AGAP1: variants seen among roughly 807,000 people sequenced by gnomAD.
AGAP1 encodes ArfGAP with GTPase domain, ankyrin repeat and PH domain 1, also known as arf-GAP with GTPase, ANK repeat and PH domain-containing protein 1.
In AGAP1, 29 loss-of-function variants were observed where a neutral mutation model predicts 105.3. The ratio of observed to expected loss-of-function variants is 0.28; its 90% CI spans 0.21 to 0.38. The LOEUF is 0.38. Among genes scored for constraint, AGAP1 ranks in the 10% least tolerant of loss-of-function variants. The probability of loss-of-function intolerance (pLI) is 1.00; values close to 1 mark genes in which losing one functional copy is unlikely to be tolerated. For synonymous variants in AGAP1, 509 were observed against 485.9 expected (o/e 1.05, Z -0.63); for missense variants, 998 against 1,165.1 (o/e 0.86, Z 2.09).
At chr2:235,760,068 A>G (rs1318567807) in intron 6 of AGAP1, among the ~76,000 whole-genome samples, 1 of 152,200 alleles carries the variant, frequency 6.6e-6, no homozygotes, top group Admixed American at 6.5e-5. Context: ...AATCTTCCAT[A>G]TTCACTCGGT....
intron 2 of AGAP1, among the ~76,000 whole-genome samples, chr2:235,709,501 C>T (rs1316959076): frequency 1.3e-5 from 2 of 149,836 alleles, no homozygotes; most frequent in Non-Finnish European, 3.0e-5. Flanking sequence ...CATCATCATC[C>T]TCTCTCTCAC....
Position 235,672,445 on chromosome 2 carries a change from G to A in AGAP1, c.164-36734G>A, listed in dbSNP as rs1267536229. 2.6e-5 allele frequency among the ~76,000 whole-genome samples: 4 copies of A among 152,196 alleles called. 1 individual carries two copies. The highest frequency in any genetic ancestry group is 2.6e-4 in the Admixed American group (4 of 15,284). On this transcript the variant is annotated intron_variant, in intron 1 of 17. Transcript: ENST00000304032. ...CCACACTTATGTTTAGCTTGTCATGGCACATCTAGTTTTAACCTCCCTTGG... is the reference window on the plus strand; with the variant it reads ...CCACACTTATGTTTAGCTTGTCATGACACATCTAGTTTTAACCTCCCTTGG...
Position 235,963,799 on chromosome 2 carries a change from A to T in AGAP1, c.1484-4663A>T, listed in dbSNP as rs2054281866. ...ACTAAGGCGATAGTGAAGAGTAACA[A>T]CACATAGGCTTAGAACACAGAGACA... On this transcript the variant is annotated intron_variant, in intron 12 of 17. Coordinates refer to ENST00000304032, the MANE Select transcript of AGAP1 (RefSeq NM_001037131.3). The surrounding 1 kb of genome is among the most constrained non-coding windows in gnomAD (Gnocchi z 5.1). Among the ~76,000 whole-genome samples the T allele has an allele frequency of 6.6e-6, 1 of 152,188 alleles. No individual in the cohort carries two copies. Among genetic ancestry groups the T allele is most frequent in the African/African-American group, 2.4e-5 (1 of 41,444 alleles).
chr2:235,540,602 T>C (rs1213636659), intron 1 of AGAP1, among the ~76,000 whole-genome samples: 1 of 152,200 alleles, frequency 6.6e-6, no homozygotes, highest in Non-Finnish European at 1.5e-5. Flanking sequence ...TGCTTTCTCT[T>C]TGGAGGGGAA....
Position 235,549,896 on chromosome 2 carries a change from G to T in AGAP1, c.163+55047G>T, listed in dbSNP as rs1943749867. ...AGGACTCGCCCTGCGCAGGTGGAGG[G>T]TGATGAGAGGCTGGGGACGTTTTCG... On this transcript the variant is annotated intron_variant, in intron 1 of 17. Transcript: ENST00000304032. This position sits in a 1 kb window ranked among gnomAD's most constrained non-coding sequence, Gnocchi z 4.2. Among the ~76,000 whole-genome samples, 1 of 152,210 alleles carries T rather than the reference G, an allele frequency of 6.6e-6. No individual in the cohort carries two copies. The highest frequency in any genetic ancestry group is 2.4e-5 in the African/African-American group (1 of 41,462).
intron 9 of AGAP1, among the ~76,000 whole-genome samples, chr2:235,835,629 A>G (rs1228214497): frequency 6.6e-6 from 1 of 152,232 alleles, no homozygotes; most frequent in African/African-American, 2.4e-5. Flanking sequence ...AGGGGTTCAT[A>G]TCTGGCTCTC....
chr2:235,757,619 G>A (rs912419902), intron 6 of AGAP1, among the ~76,000 whole-genome samples: 1 of 152,088 alleles, frequency 6.6e-6, no homozygotes, highest in Admixed American at 6.6e-5. Context: ...TTTGTCTTTT[G>A]TCCCTTCCCA....
At chr2:235,925,298 GA>G (rs1459091748) in intron 11 of AGAP1, among the ~76,000 whole-genome samples, 88 of 152,234 alleles carry the variant, frequency 5.8e-4, no homozygotes, top group Non-Finnish European at 9.8e-4. Flanking sequence ...TGCCTGCAAA[GA>G]ACATTTCCAA....
intron 6 of AGAP1, among the ~76,000 whole-genome samples, chr2:235,779,814 A>G (rs545602969): frequency 6.6e-6 from 1 of 152,230 alleles, no homozygotes; most frequent in African/African-American, 2.4e-5. Context: ...CTGGAAGCTC[A>G]TGGCTGAAGC....
In AGAP1 at chr2:235,931,716, GACCCAC is replaced by G. The variant is rs1369941350; in HGVS notation, c.1483+794_1483+799del. ...GATTCAGCATCAGGTCTTCCCTGTAGACCCACCAGCTGCTGCAGCAGGACGTTTGCT... is the reference window on the plus strand; with the variant it reads ...GATTCAGCATCAGGTCTTCCCTGTAGCAGCTGCTGCAGCAGGACGTTTGCT... On this transcript the variant is annotated intron_variant, in intron 12 of 17. Coordinates refer to ENST00000304032, the MANE Select transcript of AGAP1 (RefSeq NM_001037131.3). This position sits in a 1 kb window ranked among gnomAD's most constrained non-coding sequence, Gnocchi z 5.6. 6.6e-6 allele frequency among the ~76,000 whole-genome samples: 1 copy of G among 151,984 alleles called. No individual in the cohort carries two copies. Among genetic ancestry groups the G allele is most frequent in the Non-Finnish European group, 1.5e-5 (1 of 68,008 alleles).
At position 235,792,537 on chromosome 2, in the gene AGAP1, T is replaced by A. The variant is rs1159655282; in HGVS notation, c.674-5222T>A. On this transcript the variant is annotated intron_variant, in intron 6 of 17. Transcript: ENST00000304032. The surrounding 1 kb of genome is among the most constrained non-coding windows in gnomAD (Gnocchi z 5.3). Reference sequence around the variant, plus strand: ...TGTGTTAGGGGCATTTAGGGGACAGTCAGGGAGACTCATTTGGAAGTTGCT... The same window carrying A: ...TGTGTTAGGGGCATTTAGGGGACAGACAGGGAGACTCATTTGGAAGTTGCT... Among the ~76,000 whole-genome samples, 3 of 152,156 alleles carry A rather than the reference T, an allele frequency of 2.0e-5. No individual in the cohort carries two copies. Among genetic ancestry groups the A allele is most frequent in the Non-Finnish European group, 4.4e-5 (3 of 68,036 alleles).
chr2:235,790,262 A>C (rs1956894831), intron 6 of AGAP1, among the ~76,000 whole-genome samples: 2 of 152,234 alleles, frequency 1.3e-5, no homozygotes, highest in Non-Finnish European at 2.9e-5. Context: ...ATCAGAACTC[A>C]TTTTGGTAGC....
intron 1 of AGAP1, among the ~76,000 whole-genome samples, chr2:235,598,145 G>A (rs979382914): frequency 3.3e-5 from 5 of 152,112 alleles, no homozygotes; most frequent in African/African-American, 1.2e-4. Context: ...TCCGGTTTCC[G>A]TCGACGTCCC....
chr2:235,982,224 A>T lies in AGAP1; in HGVS notation c.1645+13601A>T, dbSNP rs2055127921. Among the ~76,000 whole-genome samples, 1 of 152,200 alleles carries T rather than the reference A, an allele frequency of 6.6e-6. No individual in the cohort carries two copies. Among genetic ancestry groups the T allele is most frequent in the Non-Finnish European group, 1.5e-5 (1 of 68,032 alleles). ...ACCTGGACAAGTAAATCCATTTCTCACATTTAAAGAGAATCAAAGAGTCAG... is the reference window on the plus strand; with the variant it reads ...ACCTGGACAAGTAAATCCATTTCTCTCATTTAAAGAGAATCAAAGAGTCAG... On this transcript the variant is annotated intron_variant, in intron 13 of 17. Coordinates refer to ENST00000304032, the MANE Select transcript of AGAP1 (RefSeq NM_001037131.3). This position sits in a 1 kb window ranked among gnomAD's most constrained non-coding sequence, Gnocchi z 4.9.
chr2:235,853,817 G>A (rs544651893), intron 9 of AGAP1, among the ~76,000 whole-genome samples: 3 of 152,084 alleles, frequency 2.0e-5, no homozygotes, highest in African/African-American at 4.8e-5. Context: ...AAGGATGGTC[G>A]CTAGCTTGTT....
At position 235,901,880 on chromosome 2, in the gene AGAP1, GA is replaced by G. The variant is rs57459227; in HGVS notation, c.1156-6843del. 0.75 allele frequency among the ~76,000 whole-genome samples: 108,971 copies of G among 145,856 alleles called. 40,875 individuals are homozygous for G. Among genetic ancestry groups the G allele is most frequent in the East Asian group, 0.97 (4,817 of 4,980 alleles). ...GGCGACAGAGTGAGACTCCGTCTCGGAAAAAAAAAAAAAAATTATGGAGGGA... is the reference window on the plus strand; with the variant it reads ...GGCGACAGAGTGAGACTCCGTCTCGGAAAAAAAAAAAAAATTATGGAGGGA... On this transcript the variant is annotated intron_variant, in intron 10 of 17. Transcript: ENST00000304032. The surrounding 1 kb of genome is among the most constrained non-coding windows in gnomAD (Gnocchi z 4.3).
rs145171222 is a variant in AGAP1, at chr2:236,109,480, AACTG to A, written c.2115-10710_2115-10707del. ...ATAGGGAAGAAGAGGAGGAAGGAAAAACTGAGATGATCTAGATCCGTGCATCCTC... is the reference window on the plus strand; with the variant it reads ...ATAGGGAAGAAGAGGAGGAAGGAAAAAGATGATCTAGATCCGTGCATCCTC... On this transcript the variant is annotated intron_variant, in intron 16 of 17. Transcript: ENST00000304032. This position sits in a 1 kb window ranked among gnomAD's most constrained non-coding sequence, Gnocchi z 5.4. Among the ~76,000 whole-genome samples, 325 of 152,304 alleles carry A rather than the reference AACTG, an allele frequency of 2.1e-3. 2 individuals are homozygous for A. Among genetic ancestry groups the A allele is most frequent in the African/African-American group, 7.4e-3 (307 of 41,574 alleles).
rs1945662926 is a variant in AGAP1 at position 235,599,656 on chromosome 2, T to A, written c.163+104807T>A. Among the ~76,000 whole-genome samples the A allele has an allele frequency of 6.6e-6, 1 of 152,194 alleles. No individual in the cohort carries two copies. The highest frequency in any genetic ancestry group is 2.4e-5 in the African/African-American group (1 of 41,458). On this transcript the variant is annotated intron_variant, in intron 1 of 17. Coordinates refer to ENST00000304032, the MANE Select transcript of AGAP1 (RefSeq NM_001037131.3). The surrounding 1 kb of genome is among the most constrained non-coding windows in gnomAD (Gnocchi z 5.3). ...TGGGAGTGGCTCGTAGAGCCTGTTTTCATCCTTCAGAGGAATCCTGCAGTC... is the reference window on the plus strand; with the variant it reads ...TGGGAGTGGCTCGTAGAGCCTGTTTACATCCTTCAGAGGAATCCTGCAGTC...
intron 12 of AGAP1, among the ~76,000 whole-genome samples, chr2:235,942,020 C>G (rs1225449546): frequency 6.6e-6 from 1 of 152,202 alleles, no homozygotes; most frequent in African/African-American, 2.4e-5. Context: ...CCCATCCTCC[C>G]TGCACTCCTC....
Sources: gnomAD v4.1 joint callset for allele counts (sites outside exome capture counted in the v4.1 genomes callset) on GRCh38, gnomAD v4.1.1 for gene constraint, Gnocchi (gnomAD v3.1) non-coding constraint, MANE v1.5 for transcripts, NCBI Gene and HGNC (gene_info 2026-07-23, HGNC 2026-07-21) for gene names.